Variants in CD209 observed in about 807,000 individuals in gnomAD.
CD209 encodes the protein CD209 molecule.
A neutral mutation model predicts 44.7 loss-of-function variants in CD209; 31 were observed. The observed-to-expected ratio is 0.69, with a 90% confidence interval of 0.52 to 0.94. CD209 has a LOEUF of 0.94. Among genes scored for constraint, CD209 ranks in the 40% least tolerant of loss-of-function variants. The pLI is 0.00. For synonymous variants in CD209, 173 were observed against 181.3 expected, an observed-to-expected ratio of 0.95 and a Z score of 0.37; for missense variants, 407 against 452.4, an observed-to-expected ratio of 0.90 and a Z score of 0.91.
In CD209 at chr19:7,744,925, C is replaced by A. The variant is rs1413624521; in HGVS notation, c.900+16G>T. On this transcript the variant is annotated intron_variant, in intron 5 of 6. Coordinates refer to ENST00000315599, the MANE Select transcript of CD209 (RefSeq NM_021155.4). ...GCCATGCCCTAGGCCAGGACGGGGA[C>A]CCCCACCAGGTGTACCTGCTCCTCA... 2 of 1,613,812 alleles carry A rather than the reference C, an allele frequency of 1.2e-6. No individual in the cohort carries two copies. The highest frequency in any genetic ancestry group is 2.2e-5 in the East Asian group (1 of 44,898).
At position 7,741,402 on chromosome 19, in the gene CD209, GA is replaced by G. The variant is rs1412202035; in HGVS notation, c.*1636del. On this transcript the variant is annotated 3_prime_UTR_variant, in exon 7 of 7. Transcript: ENST00000315599. ...AGCTACTCGGGAGGCTGAGGCAGGA[GA>G]ATCGCTTGAACCCGGGAGGCGGAAG... 1.0e-5 allele frequency: 4 copies of G among 386,064 alleles called. No homozygotes were observed. Among genetic ancestry groups the G allele is most frequent in the African/African-American group, 4.2e-5 (2 of 47,720 alleles). 23.9% of individuals were successfully genotyped at this position (386,064 alleles called of 1,614,324 possible).
Position 7,742,974 on chromosome 19 carries a change from A to G in CD209, c.*65T>C. The G allele has an allele frequency of 7.8e-7, 1 of 1,284,154 alleles. No homozygotes were observed. The allele number at this position is 1,284,154 out of a possible 1,614,324, so 79.5% of individuals were successfully genotyped here. A position where few individuals can be genotyped will look rare whatever the true frequency, so the allele number is the denominator to read the frequency against. ...GAAGAATCTGACAAAGAACAGTCCC[A>G]GAGATTTTGTGAAGGTCGAAGGATG... On this transcript the variant is annotated 3_prime_UTR_variant, in exon 7 of 7. Transcript: ENST00000315599.
chr19:7,742,847 A>G lies in CD209; in HGVS notation c.*192T>C, dbSNP rs1215036710. On this transcript the variant is annotated 3_prime_UTR_variant, in exon 7 of 7. Transcript: ENST00000315599. ...CCCCAAAGGCATCCCACACCAGCTC[A>G]CTCATAAAGCTCCAAGGATGGGCCA... 3.3e-6 allele frequency: 2 copies of G among 602,402 alleles called. No individual in the cohort carries two copies. Among genetic ancestry groups the G allele is most frequent in the Non-Finnish European group, 5.9e-6 (2 of 339,360 alleles). 37.3% of individuals were successfully genotyped at this position (602,402 alleles called of 1,614,324 possible). A position where few individuals can be genotyped will look rare whatever the true frequency, so the allele number is the denominator to read the frequency against.
In CD209 at chr19:7,740,223, A is replaced by C; in HGVS notation, c.*2816T>G. ...TCATGCCACGTGGTGTCCACTTCTT[A>C]ACTCAGTCCCTGTTCCTCGGTCTGA... On this transcript the variant is annotated 3_prime_UTR_variant, in exon 7 of 7. Transcript: ENST00000315599. The C allele has an allele frequency of 2.7e-6, 1 of 367,018 alleles. No homozygotes were observed. Among genetic ancestry groups the C allele is most frequent in the South Asian group, 2.9e-5 (1 of 34,878 alleles). 22.7% of individuals were successfully genotyped at this position (367,018 alleles called of 1,614,324 possible). A position where few individuals can be genotyped will look rare whatever the true frequency, so the allele number is the denominator to read the frequency against.
In CD209 at chr19:7,740,450, C is replaced by T. The variant is rs979218325; in HGVS notation, c.*2589G>A. The T allele has an allele frequency of 3.2e-5, 24 of 747,966 alleles. No homozygotes were observed. Among genetic ancestry groups the T allele is most frequent in the Admixed American group, 2.9e-4 (14 of 48,776 alleles). 46.3% of individuals were successfully genotyped at this position (747,966 alleles called of 1,614,324 possible). A position where few individuals can be genotyped will look rare whatever the true frequency, so the allele number is the denominator to read the frequency against. The stretch of plus-strand genomic sequence containing the variant: ...TACAACTAGAGGGGCGGGGCGGTGC[C>T]GGCAAGATGGCTGCGCCCGAAAAGG... On this transcript the variant is annotated 3_prime_UTR_variant, in exon 7 of 7. Transcript: ENST00000315599.
chr19:7,744,815 T>G, intron 5 of CD209, 126 bp downstream of exon 5: 1 of 1,327,216 alleles, frequency 7.5e-7, no homozygotes, highest in Admixed American at 2.3e-5. Flanking sequence ...CTCATTCATA[T>G]CCTTCTCCTC....
At chr19:7,743,621 A>C (rs968469037) in intron 6 of CD209, among the ~76,000 whole-genome samples, 1 of 152,146 alleles carries the variant, frequency 6.6e-6, no homozygotes, top group Non-Finnish European at 1.5e-5. Context: ...AATGCTTCAC[A>C]CTTCCCAATC....
chr19:7,741,601 G>T lies in CD209; in HGVS notation c.*1438C>A. The stretch of plus-strand genomic sequence containing the variant: ...AAGTATATATGTTCAGTACCAGTCG[G>T]AAGAAGAATGCCAAGCAGCTCTTTC... On this transcript the variant is annotated 3_prime_UTR_variant, in exon 7 of 7. Coordinates refer to ENST00000315599, the MANE Select transcript of CD209 (RefSeq NM_021155.4). 2.3e-6 allele frequency: 2 copies of T among 864,448 alleles called. No individual in the cohort carries two copies. Among genetic ancestry groups the T allele is most frequent in the Non-Finnish European group, 3.8e-6 (2 of 529,172 alleles). The allele number at this position is 864,448 out of a possible 1,614,324, so 53.5% of individuals were successfully genotyped here.
At chr19:7,747,173 A>C in intron 2 of CD209, 133 bp downstream of exon 2, 1 of 885,928 alleles carries the variant, frequency 1.1e-6, no homozygotes, top group Admixed American at 2.2e-5. Flanking sequence ...CAACCTCCTC[A>C]GGTCCCAGGA....
chr19:7,746,107 G>A lies in CD209; in HGVS notation c.179-20C>T. ...TGGACACTGGGCCAAGAAAAAAAAG[G>A]AACTGCAATTATTAAACACCTACTG... On this transcript the variant is annotated intron_variant, in intron 3 of 6. Transcript: ENST00000315599. 5 of 1,613,020 alleles carry A rather than the reference G, an allele frequency of 3.1e-6. No individual in the cohort carries two copies. The highest frequency in any genetic ancestry group is 4.2e-6 in the Non-Finnish European group (5 of 1,179,532).
At position 7,742,964 on chromosome 19, in the gene CD209, G is replaced by T; in HGVS notation, c.*75C>A. 8.4e-7 allele frequency: 1 copy of T among 1,193,028 alleles called. No individual in the cohort carries two copies. The highest frequency in any genetic ancestry group is 1.2e-6 in the Non-Finnish European group (1 of 806,660). 73.9% of individuals were successfully genotyped at this position (1,193,028 alleles called of 1,614,324 possible). A position where few individuals can be genotyped will look rare whatever the true frequency, so the allele number is the denominator to read the frequency against. On this transcript the variant is annotated 3_prime_UTR_variant, in exon 7 of 7. Transcript: ENST00000315599. ...TCTAAAGGAGGAAGAATCTGACAAA[G>T]AACAGTCCCAGAGATTTTGTGAAGG...
chr19:7,745,824 G>A lies in CD209; in HGVS notation c.442C>T (p.Gln148Ter). Reference protein sequence around the residue: ...PEKSKLQEIYQELTWLKAAVG... With the variant: ...PEKSKLQEIY Reference sequence around the variant, plus strand: ...GCAGCCTTCAGCCAGGTCAGCTCCTGGTAGATCTCCTGCAGCTTAGATTTC... The same window carrying A: ...GCAGCCTTCAGCCAGGTCAGCTCCTAGTAGATCTCCTGCAGCTTAGATTTC... Residue 148 changes from glutamine to a stop codon, truncating the protein, a stop_gained, in exon 4 of 7, where the codon CAG (glutamine) becomes TAG (stop). Transcript: ENST00000315599. LOFTEE classifies it high-confidence loss of function. The A allele has an allele frequency of 6.2e-7, 1 of 1,609,452 alleles. No individual in the cohort carries two copies. The highest frequency in any genetic ancestry group is 8.5e-7 in the Non-Finnish European group (1 of 1,179,658).
intron 1 of CD209, 50 bp from the exon 2 acceptor site, chr19:7,747,415 T>C: frequency 6.2e-7 from 1 of 1,614,234 alleles, no homozygotes; most frequent in Non-Finnish European, 8.5e-7. Context: ...AGGCCATGGC[T>C]GGCCATCCCT....
chr19:7,746,794 A>G (rs1473790197), intron 2 of CD209, among the ~76,000 whole-genome samples: 3 of 140,352 alleles, frequency 2.1e-5, no homozygotes, highest in Non-Finnish European at 4.6e-5. Context: ...CCCAGCCTCT[A>G]CATTCCCAGG....
rs1350553140 is a variant in CD209, at chr19:7,743,041, A to G, written c.1213T>C (p.Ter405GlnextTer7). Residue 405 changes from the stop codon to glutamine, a stop_lost, in exon 7 of 7, where the codon TAG (stop) becomes CAG (glutamine). Coordinates refer to ENST00000315599, the MANE Select transcript of CD209 (RefSeq NM_021155.4). ...APATPNPPPA[*>Q] Reference sequence around the variant, plus strand: ...GCTTAAAAGGGGGTGAAGTTCTGCTACGCAGGAGGGGGGTTTGGGGTGGCA... The same window carrying G: ...GCTTAAAAGGGGGTGAAGTTCTGCTGCGCAGGAGGGGGGTTTGGGGTGGCA... 5 of 1,572,972 alleles carry G rather than the reference A, an allele frequency of 3.2e-6. No homozygotes were observed. The Admixed American group carries it at 6.7e-5, about 21-fold the overall frequency.
intron 6 of CD209, among the ~76,000 whole-genome samples, chr19:7,743,625 C>T (rs745434874): frequency 6.6e-6 from 1 of 152,152 alleles, no homozygotes; most frequent in Non-Finnish European, 1.5e-5. Context: ...CTTCACACTT[C>T]CCAATCCTAA....
Position 7,742,931 on chromosome 19 carries a change from C to T in CD209, c.*108G>A. 2 of 931,780 alleles carry T rather than the reference C, an allele frequency of 2.1e-6. No individual in the cohort carries two copies. Among genetic ancestry groups the T allele is most frequent in the South Asian group, 1.5e-5 (1 of 67,652 alleles). The allele number at this position is 931,780 out of a possible 1,614,324, so 57.7% of individuals were successfully genotyped here. ...GCATGACAAGAAGGACAGAATGGGACCCAGCCTTCTAAAGGAGGAAGAATC... is the reference window on the plus strand; with the variant it reads ...GCATGACAAGAAGGACAGAATGGGATCCAGCCTTCTAAAGGAGGAAGAATC... On this transcript the variant is annotated 3_prime_UTR_variant, in exon 7 of 7. Transcript: ENST00000315599.
chr19:7,741,456 C>CACT lies in CD209; in HGVS notation c.*1580_*1582dup. On this transcript the variant is annotated 3_prime_UTR_variant, in exon 7 of 7. Coordinates refer to ENST00000315599, the MANE Select transcript of CD209 (RefSeq NM_021155.4). ...GCAGTGAGCCTAGATCGCGCCACTG[C>CACT]ACTCCAGCCTGGCGACAGAGCAAGA... 2.2e-6 allele frequency: 1 copy of CACT among 446,140 alleles called. No individual in the cohort carries two copies. The allele number at this position is 446,140 out of a possible 1,614,324, so 27.6% of individuals were successfully genotyped here.
At position 7,745,078 on chromosome 19, in the gene CD209, G is replaced by T. The variant is rs751256137; in HGVS notation, c.763C>A (p.Pro255Thr). 4 of 1,614,086 alleles carry T rather than the reference G, an allele frequency of 2.5e-6. No individual in the cohort carries two copies. The highest frequency in any genetic ancestry group is 1.3e-5 in the African/African-American group (1 of 74,928). The change falls in exon 5 of 7, where the codon CCC becomes ACC. Residue 255 changes from proline to threonine, a missense_variant. By Grantham distance (38) the Pro-to-Thr change is conservative. Coordinates refer to ENST00000315599, the MANE Select transcript of CD209 (RefSeq NM_021155.4). ...LKAAVERLCH[P>T]CPWEWTFFQG... is the part of the protein sequence containing the mutation. ...AAGAATGTCCATTCCCAGGGACAGG[G>T]GTGGCACAGGCGTTCTGTTGGGGGA...
Sources: gnomAD v4.1 joint callset for allele counts (sites outside exome capture counted in the v4.1 genomes callset) on GRCh38, gnomAD v4.1.1 for gene constraint, MANE v1.5 for transcripts, NCBI Gene and HGNC (gene_info 2026-07-23, HGNC 2026-07-21) for gene names.